The following KRT38 variants were observed in gnomAD, a reference collection of about 807,000 sequenced individuals.
KRT38 encodes the protein keratin, type I cuticular Ha8.
In KRT38, 45 loss-of-function variants were observed where a neutral mutation model predicts 43.1. That is an observed-to-expected ratio of 1.04 (90% CI 0.82 to 1.34). KRT38 has a LOEUF of 1.34. Among genes scored for constraint, KRT38 ranks in the 40% most tolerant of loss-of-function variants. KRT38 has a pLI of 0.00. For synonymous variants in KRT38, 258 were observed against 244.0 expected, an observed-to-expected ratio of 1.06 and a Z score of -0.53; for missense variants, 627 against 586.2, an observed-to-expected ratio of 1.07 and a Z score of -0.72.
At position 41,438,239 on chromosome 17, in the gene KRT38, G is replaced by T. The variant is rs1440853947; in HGVS notation, c.1095C>A (p.Leu365=). Residue 365 remains leucine (L), a synonymous_variant, in exon 6 of 7, where the codon CTC becomes CTA. Transcript: ENST00000246646. The part of the protein sequence containing the change: ...FGTELAQMQS[L]ISNVEEQLSE... Reference sequence around the variant, plus strand: ...ACAGCTGCTCCTCCACGTTGCTGATGAGGCTCTGCATCTGGGCCAGCTCCG... The same window carrying T: ...ACAGCTGCTCCTCCACGTTGCTGATTAGGCTCTGCATCTGGGCCAGCTCCG... 1 of 1,614,182 alleles carries T rather than the reference G, an allele frequency of 6.2e-7. No homozygotes were observed. Among genetic ancestry groups the T allele is most frequent in the Non-Finnish European group, 8.5e-7 (1 of 1,180,026 alleles).
In KRT38 at chr17:41,439,346, G is replaced by A. The variant is rs753422541; in HGVS notation, c.589C>T (p.Arg197Cys). Residue 197 changes from arginine (R) to cysteine (C), a missense_variant, in exon 3 of 7, where the codon CGC becomes TGC. Coordinates refer to ENST00000246646, the MANE Select transcript of KRT38 (RefSeq NM_006771.4). ...DDFRIKLESE[R>C]SLRQLVEADK... Reference sequence around the variant, plus strand: ...GCCTCCACCAGCTGGCGCAGGGAGCGCTCACTCTCCAGCCTTTCATCACAG... The same window carrying A: ...GCCTCCACCAGCTGGCGCAGGGAGCACTCACTCTCCAGCCTTTCATCACAG... The A allele has an allele frequency of 1.1e-5, 18 of 1,613,802 alleles. No homozygotes were observed. Among genetic ancestry groups the A allele is most frequent in the Admixed American group, 1.7e-5 (1 of 59,994 alleles).
rs371116367 is a variant in KRT38 at position 41,440,474 on chromosome 17, C to T, written c.448G>A (p.Asp150Asn). The change falls in exon 1 of 7, where the codon GAC becomes AAC. Residue 150 changes from aspartate (D) to asparagine (N), a missense_variant. Coordinates refer to ENST00000246646, the MANE Select transcript of KRT38 (RefSeq NM_006771.4). ...ATGGTGTGGAAGTAAGACTGGTAGT[C>T]GGGGCACACGGTGGACTCGTGGCAC... ...SKCHESTVCPDYQSYFHTIEE... is the reference protein window; with the variant it reads ...SKCHESTVCPNYQSYFHTIEE... The T allele has an allele frequency of 9.3e-6, 15 of 1,614,074 alleles. No homozygotes were observed. The highest frequency in any genetic ancestry group is 1.7e-5 in the Admixed American group (1 of 60,012).
chr17:41,439,316 T>C lies in KRT38; in HGVS notation c.619A>G (p.Lys207Glu). 1 of 1,614,176 alleles carries C rather than the reference T, an allele frequency of 6.2e-7. No homozygotes were observed. Among genetic ancestry groups the C allele is most frequent in the South Asian group, 1.1e-5 (1 of 91,088 alleles). The change falls in exon 3 of 7, where the codon AAG becomes GAG. Residue 207 changes from lysine (K) to glutamate (E), a missense_variant. By Grantham distance (56) the Lys-to-Glu change is moderately conservative (BLOSUM62 1). Transcript: ENST00000246646. Reference protein sequence around the residue: ...RSLRQLVEADKCGTQKLLDDA... With the variant: ...RSLRQLVEADECGTQKLLDDA... ...TCCAGGAGCTTCTGTGTCCCACACT[T>C]GTCTGCCTCCACCAGCTGGCGCAGG...
In KRT38 at chr17:41,437,557, G is replaced by A. The variant is rs866736039; in HGVS notation, c.1242-16C>T. On this transcript the variant is annotated splice_polypyrimidine_tract_variant and intron_variant, in intron 6 of 6. Coordinates refer to ENST00000246646, the MANE Select transcript of KRT38 (RefSeq NM_006771.4). ...GCAGGGGAGTCTGCAGAGAGACAAG[G>A]TGAGGGAAGTGAGAGGCAAGAAATG... is the stretch of plus-strand genomic sequence containing the variant. 4.5e-6 allele frequency: 7 copies of A among 1,552,594 alleles called. No individual in the cohort carries two copies. In the South Asian group the frequency reaches 8.6e-5, roughly 19 times the overall value.
rs780018376 is a variant in KRT38 at position 41,438,714 on chromosome 17, GT to G, written c.876del (p.Glu292AspfsTer32). 5.6e-6 allele frequency: 9 copies of G among 1,613,822 alleles called. No individual in the cohort carries two copies. The highest frequency in any genetic ancestry group is 7.6e-6 in the Non-Finnish European group (9 of 1,179,946). ...AMLETNRQDVEQWFQAQSEGI... is the reference protein window; with the variant it reads ...AMLETNRQDVXQWFQAQSEGI... ...CCACTCACCTGGGCTTGGAACCACTGTTCCACATCCTGGCGGTTGGTCTCCA... is the reference window on the plus strand; with the variant it reads ...CCACTCACCTGGGCTTGGAACCACTGTCCACATCCTGGCGGTTGGTCTCCA... On this transcript the variant is annotated frameshift_variant, in exon 4 of 7. Transcript: ENST00000246646. LOFTEE classifies it high-confidence loss of function.
intron 6 of KRT38, 95 bp from the exon 7 acceptor site, chr17:41,437,636 C>A: frequency 7.5e-7 from 1 of 1,333,144 alleles, no homozygotes. Context: ...CACTGCAAAA[C>A]AACAGAACAT....
Position 41,439,219 on chromosome 17 carries a change from T to C in KRT38, c.716A>G (p.Lys239Arg). 1 of 1,614,082 alleles carries C rather than the reference T, an allele frequency of 6.2e-7. No homozygotes were observed. The highest frequency in any genetic ancestry group is 8.5e-7 in the Non-Finnish European group (1 of 1,179,980). The change falls in exon 3 of 7, where the codon AAG (lysine) becomes AGG (arginine). Residue 239 changes from lysine to arginine, a missense_variant. Coordinates refer to ENST00000246646, the MANE Select transcript of KRT38 (RefSeq NM_006771.4). ...GGGCCACACCTGCTCGTGGTTGCTC[T>C]TGAGGGAGAGCTGCTCCTCCTTCAG... ...ESLKEEQLSL[K>R]SNHEQEVKIL...
At position 41,440,712 on chromosome 17, in the gene KRT38, C is replaced by T. The variant is rs200712750; in HGVS notation, c.210G>A (p.Pro70=). ...AGGGACAAGCAGTGTGGCAGGTAGGCGGCAGACAGAGGCTGGGGCGGCCCA... is the reference window on the plus strand; with the variant it reads ...AGGGACAAGCAGTGTGGCAGGTAGGTGGCAGACAGAGGCTGGGGCGGCCCA... The part of the protein sequence containing the change: ...TPLGRPSLCL[P]PTCHTACPLP... Residue 70 remains proline, a synonymous_variant, in exon 1 of 7, where the codon CCG becomes CCA. Transcript: ENST00000246646. 2.1e-4 allele frequency: 333 copies of T among 1,614,154 alleles called. No individual in the cohort carries two copies. The East Asian group carries it at 3.7e-3, about 18-fold the overall frequency.
rs368627427 is a variant in KRT38 at position 41,438,750 on chromosome 17, C to G, written c.841G>C (p.Glu281Gln). The G allele has an allele frequency of 2.7e-5, 43 of 1,614,020 alleles. No individual in the cohort carries two copies. In the Middle Eastern group the frequency reaches 1.5e-3, roughly 56 times the overall value. The change falls in exon 4 of 7, where the codon GAG becomes CAG. Residue 281 changes from glutamate to glutamine, a missense_variant. By Grantham distance (29) the Glu-to-Gln change is conservative. Transcript: ENST00000246646. ...RVLGEMRAQY[E>Q]AMLETNRQDV... ...TGGCGGTTGGTCTCCAACATGGCCT[C>G]ATACTGAGCCCGCATCTCCCCCAGC...
In KRT38 at chr17:41,436,168, A is replaced by G. The variant is rs1019857150; in HGVS notation, c.*1244T>C. On this transcript the variant is annotated 3_prime_UTR_variant, in exon 7 of 7. Transcript: ENST00000246646. ...GACTAGACGTGTTCGTTCTTTCAAC[A>G]GATATTTATTAAGCATCTATTATGT... Among the ~76,000 whole-genome samples the G allele has an allele frequency of 7.9e-5, 12 of 152,208 alleles. No individual in the cohort carries two copies. Among genetic ancestry groups the G allele is most frequent in the Non-Finnish European group, 1.8e-4 (12 of 68,034 alleles).
In KRT38 at chr17:41,438,076, G is replaced by A; in HGVS notation, c.1241+17C>T. 2 of 1,612,490 alleles carry A rather than the reference G, an allele frequency of 1.2e-6. No homozygotes were observed. Among genetic ancestry groups the A allele is most frequent in the Non-Finnish European group, 1.7e-6 (2 of 1,178,850 alleles). On this transcript the variant is annotated intron_variant, in intron 6 of 6. Coordinates refer to ENST00000246646, the MANE Select transcript of KRT38 (RefSeq NM_006771.4). ...TGAGTAAATAATTTGGCCAGGAATT[G>A]CCCAGATCACACGTACTTGCAGTCC... is the stretch of plus-strand genomic sequence containing the variant.
In KRT38 at chr17:41,436,616, G is replaced by A. The variant is rs1472331861; in HGVS notation, c.*796C>T. The A allele has an allele frequency of 2.0e-5, 3 of 152,206 alleles. No individual in the cohort carries two copies. Among genetic ancestry groups the A allele is most frequent in the African/African-American group, 7.2e-5 (3 of 41,450 alleles). 9.4% of individuals were successfully genotyped at this position (152,206 alleles called of 1,614,324 possible). The stretch of plus-strand genomic sequence containing the variant: ...TCAGGAGAAAGTACTAGAAAAAAAT[G>A]AAGTCATTGTTTAGATTTTAGACTG... On this transcript the variant is annotated 3_prime_UTR_variant, in exon 7 of 7. Transcript: ENST00000246646.
chr17:41,438,980 GAA>G, intron 3 of KRT38, 122 bp from the exon 4 acceptor site: 2 of 1,356,148 alleles, frequency 1.5e-6, no homozygotes, highest in Non-Finnish European at 2.0e-6. Flanking sequence ...AAGCAAATGG[GAA>G]AGTCTTGCCC....
Position 41,438,948 on chromosome 17 carries a change from G to A in KRT38, c.733-90C>T, listed in dbSNP as rs973873183. On this transcript the variant is annotated intron_variant, in intron 3 of 6. Coordinates refer to ENST00000246646, the MANE Select transcript of KRT38 (RefSeq NM_006771.4). Reference sequence around the variant, plus strand: ...ACCAGGACCCCGCCCCTGGCAAGCAGTAGGAGGGGAGTCCCACACACAAGC... The same window carrying A: ...ACCAGGACCCCGCCCCTGGCAAGCAATAGGAGGGGAGTCCCACACACAAGC... 6.1e-6 allele frequency: 9 copies of A among 1,481,042 alleles called. No individual in the cohort carries two copies. The African/African-American group carries it at 8.3e-5, about 14-fold the overall frequency. The allele number at this position is 1,481,042 out of a possible 1,614,324, so 91.7% of individuals were successfully genotyped here. A position where few individuals can be genotyped will look rare whatever the true frequency, so the allele number is the denominator to read the frequency against.
chr17:41,440,753 C>T lies in KRT38; in HGVS notation c.169G>A (p.Val57Met), dbSNP rs771084440. 14 of 1,613,618 alleles carry T rather than the reference C, an allele frequency of 8.7e-6. No homozygotes were observed. The African/African-American group carries it at 1.1e-4, about 12-fold the overall frequency. ...ANVAHANRVR[V>M]GSTPLGRPSL... ...GGGCGGCCCAGGGGAGTGGACCCCA[C>T]ACGGACTCGGTTGGCATGTGCCACG... Residue 57 changes from valine (V) to methionine (M), a missense_variant, in exon 1 of 7, where the codon GTG becomes ATG. Val to Met is a conservative substitution (Grantham distance 21, BLOSUM62 1). Transcript: ENST00000246646.
intron 1 of KRT38, 56 bp from the exon 2 acceptor site, chr17:41,440,299 T>C: frequency 2.5e-6 from 4 of 1,608,026 alleles, no homozygotes; most frequent in Non-Finnish European, 3.4e-6. Flanking sequence ...AGGCTCCTTC[T>C]CCACGTGTGG....
chr17:41,438,472 G>A lies in KRT38; in HGVS notation c.1020+19C>T. The stretch of plus-strand genomic sequence containing the variant: ...TGGCACGGGGCATTTGCAGTGCAGT[G>A]AGAGTGAAGGACACGTACCAAGGTG... On this transcript the variant is annotated intron_variant, in intron 5 of 6. Coordinates refer to ENST00000246646, the MANE Select transcript of KRT38 (RefSeq NM_006771.4). 1.2e-6 allele frequency: 2 copies of A among 1,614,182 alleles called. No homozygotes were observed. Among genetic ancestry groups the A allele is most frequent in the South Asian group, 1.1e-5 (1 of 91,078 alleles).
In KRT38 at chr17:41,439,204, T is replaced by A. The variant is rs768637449; in HGVS notation, c.731A>T (p.Gln244Leu). 1.2e-6 allele frequency: 2 copies of A among 1,613,576 alleles called. No individual in the cohort carries two copies. The highest frequency in any genetic ancestry group is 1.7e-6 in the Non-Finnish European group (2 of 1,179,782). The change falls in exon 3 of 7, where the codon CAG (glutamine) becomes CTG (leucine). Residue 244 changes from glutamine to leucine, a missense_variant and splice_region_variant. Gln to Leu is a moderately radical substitution (Grantham distance 113). Coordinates refer to ENST00000246646, the MANE Select transcript of KRT38 (RefSeq NM_006771.4). ...EQLSLKSNHEQEVKILRSQLG... is the reference protein window; with the variant it reads ...EQLSLKSNHELEVKILRSQLG... ...GAGTTTGAGCGCCCAGGGCCACACCTGCTCGTGGTTGCTCTTGAGGGAGAG... is the reference window on the plus strand; with the variant it reads ...GAGTTTGAGCGCCCAGGGCCACACCAGCTCGTGGTTGCTCTTGAGGGAGAG...
In KRT38 at chr17:41,437,397, TG is replaced by T; in HGVS notation, c.*14del. 1 of 1,541,300 alleles carries T rather than the reference TG, an allele frequency of 6.5e-7. No homozygotes were observed. Among genetic ancestry groups the T allele is most frequent in the Admixed American group, 2.2e-5 (1 of 44,758 alleles). On this transcript the variant is annotated 3_prime_UTR_variant, in exon 7 of 7. Transcript: ENST00000246646. ...TATCCCTCGCCTTAGCCAGCCCCTG[TG>T]GGTCCACAGGAATTCAGAATCGGCT...
Sources: allele counts gnomAD v4.1 joint callset (sites outside exome capture counted in the v4.1 genomes callset), GRCh38; gene constraint gnomAD v4.1.1; transcripts MANE v1.5; gene names NCBI Gene and HGNC (gene_info 2026-07-23, HGNC 2026-07-21).